The following FOXJ3 variants were observed in gnomAD, a reference collection of about 807,000 sequenced individuals.
FOXJ3 encodes the protein forkhead box protein J3.
In FOXJ3, 22 loss-of-function variants were observed where a neutral mutation model predicts 76.1. That is an observed-to-expected ratio of 0.29 (90% CI 0.21 to 0.41). FOXJ3 has a LOEUF of 0.41. Ranked by LOEUF, FOXJ3 falls within the 10% of genes least tolerant of loss-of-function variation. The pLI, the probability that FOXJ3 is intolerant of heterozygous loss-of-function variation, is 1.00. For synonymous variants in FOXJ3, 269 were observed against 261.2 expected (o/e 1.03, Z -0.29); for missense variants, 613 against 762.1 (o/e 0.80, Z 2.30).
chr1:42,245,355 C>A (rs1649468761), intron 4 of FOXJ3, among the ~76,000 whole-genome samples: 1 of 152,066 alleles, frequency 6.6e-6, no homozygotes, highest in Admixed American at 6.6e-5. Flanking sequence ...CAAAACCAAA[C>A]AAGGACACCA....
At chr1:42,274,671 T>C (rs967469460) in intron 3 of FOXJ3, among the ~76,000 whole-genome samples, 2 of 152,198 alleles carry the variant, frequency 1.3e-5, no homozygotes, top group African/African-American at 4.8e-5. Flanking sequence ...GTATAGTGCC[T>C]GGCAGACAGA....
Position 42,321,880 on chromosome 1 carries a change from A to G in FOXJ3, c.-17-10770T>C, listed in dbSNP as rs981572804. 7.2e-5 allele frequency among the ~76,000 whole-genome samples: 11 copies of G among 151,968 alleles called. No homozygotes were observed. In the East Asian group the frequency reaches 7.7e-4, roughly 11 times the overall value. On this transcript the variant is annotated intron_variant, in intron 1 of 12. Coordinates refer to ENST00000361346, the MANE Select transcript of FOXJ3 (RefSeq NM_014947.5). ...ATTCCATTGGCATCATTTTCCAGGG[A>G]AAAAAAATGGGAGACTTTATCATCA...
intron 2 of FOXJ3, among the ~76,000 whole-genome samples, chr1:42,306,771 TCA>T (rs1654499653): frequency 6.6e-6 from 1 of 152,238 alleles, no homozygotes; most frequent in South Asian, 2.1e-4. Context: ...TAATATAATT[TCA>T]CAGTGTTTAA....
intron 2 of FOXJ3, among the ~76,000 whole-genome samples, chr1:42,306,298 C>CTTTTTTTTTTTTTTTTTTTTTTT (rs9326121): frequency 2.4e-5 from 2 of 81,668 alleles, no homozygotes; most frequent in African/African-American, 9.0e-5. Context: ...GAACTTTTTT[C>CTTTTTTTTTTTTTTTTTTTTTTT]TTTTTTTTTT....
chr1:42,261,050 G>C (rs568395041), intron 4 of FOXJ3, among the ~76,000 whole-genome samples: 1 of 152,292 alleles, frequency 6.6e-6, no homozygotes, highest in East Asian at 1.9e-4. Flanking sequence ...AAACAAAATT[G>C]AGAAAAGGTT....
At chr1:42,326,708 T>C (rs1655855291) in intron 1 of FOXJ3, among the ~76,000 whole-genome samples, 1 of 152,200 alleles carries the variant, frequency 6.6e-6, no homozygotes, top group African/African-American at 2.4e-5. Flanking sequence ...TGACTAGAAA[T>C]GGACCTAAAT....
At chr1:42,247,020 G>A (rs979318125) in intron 4 of FOXJ3, among the ~76,000 whole-genome samples, 1 of 152,132 alleles carries the variant, frequency 6.6e-6, no homozygotes, top group Non-Finnish European at 1.5e-5. Context: ...CCAGAGGATG[G>A]GAAGAGTGTA....
chr1:42,251,918 C>G (rs955724459), intron 4 of FOXJ3, among the ~76,000 whole-genome samples: 1 of 151,834 alleles, frequency 6.6e-6, no homozygotes, highest in African/African-American at 2.4e-5. Flanking sequence ...GGGGTTTCAC[C>G]GTGTTAGCCA....
chr1:42,315,370 A>G, intron 1 of FOXJ3: 1 of 969,956 alleles, frequency 1.0e-6, no homozygotes, highest in South Asian at 4.8e-5. Context: ...AATTTTTTTA[A>G]AGGTACTGTC....
intron 4 of FOXJ3, among the ~76,000 whole-genome samples, chr1:42,258,555 T>C (rs1024170618): frequency 2.0e-5 from 3 of 152,226 alleles, no homozygotes; most frequent in African/African-American, 4.8e-5. Context: ...ACTATTCCAA[T>C]GCCTGCTTAG....
At chr1:42,317,163 A>G (rs1338565560) in intron 1 of FOXJ3, among the ~76,000 whole-genome samples, 1 of 152,298 alleles carries the variant, frequency 6.6e-6, no homozygotes, top group East Asian at 1.9e-4. Flanking sequence ...TATAACATTC[A>G]CTAACATTCA....
At chr1:42,329,189 A>T (rs947522455) in intron 1 of FOXJ3, among the ~76,000 whole-genome samples, 2 of 152,216 alleles carry the variant, frequency 1.3e-5, no homozygotes, top group African/African-American at 4.8e-5. Context: ...TCATTGTTAT[A>T]AATATAAAAA....
rs970021999 is a variant in FOXJ3, at chr1:42,311,128, G to A, written c.-17-18C>T. On this transcript the variant is annotated intron_variant, in intron 1 of 12. Transcript: ENST00000361346. ...AAGAGAATCTGAAAAGCAAAGAAGA[G>A]TTAGTTATCAGATACTGCAAAGTAA... 1 of 1,554,912 alleles carries A rather than the reference G, an allele frequency of 6.4e-7. No homozygotes were observed. Among genetic ancestry groups the A allele is most frequent in the South Asian group, 1.2e-5 (1 of 84,228 alleles).
chr1:42,297,810 G>T (rs368378163), intron 2 of FOXJ3, among the ~76,000 whole-genome samples: 8 of 152,092 alleles, frequency 5.3e-5, no homozygotes, highest in African/African-American at 1.9e-4. Context: ...TGGTTTTGTA[G>T]AATGAGTTAG....
intron 1 of FOXJ3, among the ~76,000 whole-genome samples, chr1:42,331,775 A>G (rs1167880405): frequency 1.3e-5 from 2 of 152,064 alleles, no homozygotes; most frequent in Non-Finnish European, 2.9e-5. Flanking sequence ...TGACTTGTAT[A>G]CTTTAAATGT....
intron 5 of FOXJ3, among the ~76,000 whole-genome samples, chr1:42,217,261 T>C (rs1320659617): frequency 6.6e-6 from 1 of 152,216 alleles, no homozygotes; most frequent in African/African-American, 2.4e-5. Flanking sequence ...CTGGGTGCAG[T>C]GGCTCACTCC....
At chr1:42,291,079 T>TAGACAGACAGACAGAC (rs56772390) in intron 2 of FOXJ3, among the ~76,000 whole-genome samples, 5,172 of 125,104 alleles carry the variant, frequency 0.041, 132 homozygotes, top group Non-Finnish European at 0.052. Flanking sequence ...GATAGATAGA[T>TAGACAGACAGACAGAC]AGATAGACAG....
chr1:42,288,189 C>T (rs565946371), intron 2 of FOXJ3, among the ~76,000 whole-genome samples: 1 of 152,260 alleles, frequency 6.6e-6, no homozygotes, highest in African/African-American at 2.4e-5. Flanking sequence ...GTCTATGTCT[C>T]TGAGTAGTTG....
intron 6 of FOXJ3, among the ~76,000 whole-genome samples, chr1:42,202,398 G>A (rs1309346051): frequency 7.1e-6 from 1 of 139,890 alleles, no homozygotes; most frequent in Non-Finnish European, 1.5e-5. Flanking sequence ...TCCTCACTAT[G>A]GGTTGTTTAC....
Sources: gnomAD v4.1 joint callset for allele counts (sites outside exome capture counted in the v4.1 genomes callset) on GRCh38, gnomAD v4.1.1 for gene constraint, MANE v1.5 for transcripts, NCBI Gene and HGNC (gene_info 2026-07-23, HGNC 2026-07-21) for gene names.